The following ANKH variants were observed in gnomAD, a reference collection of about 807,000 sequenced individuals.
ANKH encodes ANKH inorganic pyrophosphate transport regulator.
Under a neutral mutation model 49.0 loss-of-function variants are expected in ANKH, and 15 were observed. That is an observed-to-expected ratio of 0.31 (90% CI 0.20 to 0.47). The LOEUF is 0.47. ANKH is among the 20% of genes least tolerant of loss of function. The pLI, the probability that ANKH is intolerant of heterozygous loss-of-function variation, is 1.00. For synonymous variants in ANKH, 273 were observed against 260.0 expected (o/e 1.05, Z -0.48); for missense variants, 429 against 652.0 (o/e 0.66, Z 3.72).
chr5:14,856,095 G>A (rs560477928), intron 1 of ANKH, among the ~76,000 whole-genome samples: 35 of 151,850 alleles, frequency 2.3e-4, no homozygotes, highest in Non-Finnish European at 5.0e-4. Context: ...GTGGGCAGGC[G>A]AATCGCTTGA....
intron 1 of ANKH, among the ~76,000 whole-genome samples, chr5:14,809,335 T>TAAAAAAAAAAAAA (rs36119317): frequency 4.6e-4 from 37 of 80,806 alleles, no homozygotes; most frequent in South Asian, 9.1e-4. Flanking sequence ...TAGAGTATAA[T>TAAAAAAAAAAAAA]AAAAAAAAAA....
chr5:14,721,885 A>C (rs576529802), intron 8 of ANKH, among the ~76,000 whole-genome samples: 7 of 128,834 alleles, frequency 5.4e-5, no homozygotes, highest in South Asian at 5.3e-4. Flanking sequence ...AGCTGAGATC[A>C]TGCCACTGCA....
intron 1 of ANKH, among the ~76,000 whole-genome samples, chr5:14,861,887 C>T (rs1735506382): frequency 6.6e-6 from 1 of 152,200 alleles, no homozygotes; most frequent in African/African-American, 2.4e-5. Flanking sequence ...ATATTGTCCC[C>T]AACCTTTGCC....
At chr5:14,794,942 T>C (rs1215557296) in intron 1 of ANKH, among the ~76,000 whole-genome samples, 6 of 152,266 alleles carry the variant, frequency 3.9e-5, no homozygotes, top group Admixed American at 3.9e-4. Context: ...TCCTTTGCTG[T>C]ACTGTGTATG....
intron 8 of ANKH, among the ~76,000 whole-genome samples, chr5:14,727,794 A>G (rs1051267883): frequency 5.9e-5 from 9 of 152,118 alleles, no homozygotes; most frequent in Non-Finnish European, 1.2e-4. Context: ...GATGGTGATG[A>G]CAAGCAGCAA....
At chr5:14,744,692 G>T (rs186644902) in intron 7 of ANKH, among the ~76,000 whole-genome samples, 15 of 152,388 alleles carry the variant, frequency 9.8e-5, no homozygotes, top group Admixed American at 5.9e-4. Context: ...CACACTTTCA[G>T]AGATGCCTGG....
Position 14,769,079 on chromosome 5 carries a change from T to C in ANKH, c.209A>G (p.Lys70Arg), listed in dbSNP as rs1190520796. Reference sequence around the variant, plus strand: ...GTTCACAAACACCAGGCCCACATTTTTGAAGTCACTCATGGGACCCGTGAA... The same window carrying C: ...GTTCACAAACACCAGGCCCACATTTCTGAAGTCACTCATGGGACCCGTGAA... ...KFFTGPMSDF[K>R]NVGLVFVNSK... The change falls in exon 2 of 12, where the codon AAA (lysine) becomes AGA (arginine). Residue 70 changes from lysine (K) to arginine (R), a missense_variant. Coordinates refer to ENST00000284268, the MANE Select transcript of ANKH (RefSeq NM_054027.6). 2 of 1,614,086 alleles carry C rather than the reference T, an allele frequency of 1.2e-6. No homozygotes were observed. The highest frequency in any genetic ancestry group is 1.7e-6 in the Non-Finnish European group (2 of 1,180,054).
chr5:14,850,183 C>T (rs1386937304), intron 1 of ANKH, among the ~76,000 whole-genome samples: 2 of 152,172 alleles, frequency 1.3e-5, no homozygotes, highest in Non-Finnish European at 2.9e-5. Flanking sequence ...AACCCTGCCC[C>T]CCACCACTCC....
chr5:14,836,640 C>A (rs1741662207), intron 1 of ANKH, among the ~76,000 whole-genome samples: 2 of 152,286 alleles, frequency 1.3e-5, no homozygotes, highest in South Asian at 4.1e-4. Flanking sequence ...AATGGAAGAA[C>A]ATTCCATGCT....
chr5:14,747,264 C>G (rs1460712730), intron 6 of ANKH, among the ~76,000 whole-genome samples: 1 of 152,154 alleles, frequency 6.6e-6, no homozygotes, highest in Non-Finnish European at 1.5e-5. Flanking sequence ...GTGCAGAAAG[C>G]TATCAATGTG....
intron 8 of ANKH, 177 bp downstream of exon 8, chr5:14,741,650 G>C: frequency 1.7e-6 from 1 of 605,474 alleles, no homozygotes; most frequent in Non-Finnish European, 3.0e-6. Flanking sequence ...CTAGACTCAA[G>C]GGCCTCCTTG....
intron 1 of ANKH, among the ~76,000 whole-genome samples, chr5:14,803,931 T>C (rs1740632992): frequency 6.6e-6 from 1 of 152,204 alleles, no homozygotes. Flanking sequence ...GTTTCACTCT[T>C]GTTGCCCAGG....
chr5:14,807,399 G>A (rs1190746927), intron 1 of ANKH, among the ~76,000 whole-genome samples: 1 of 152,132 alleles, frequency 6.6e-6, no homozygotes, highest in Non-Finnish European at 1.5e-5. Context: ...ATAGGCATGA[G>A]CCACGGCACC....
intron 1 of ANKH, among the ~76,000 whole-genome samples, chr5:14,835,938 C>T (rs886533599): frequency 2.6e-5 from 4 of 152,198 alleles, no homozygotes; most frequent in Non-Finnish European, 5.9e-5. Flanking sequence ...TTGGCTTCAT[C>T]CCTGGGATGC....
chr5:14,735,437 G>T (rs577332300), intron 8 of ANKH, among the ~76,000 whole-genome samples: 2 of 152,296 alleles, frequency 1.3e-5, no homozygotes, highest in South Asian at 4.1e-4. Context: ...TAGAAGTCTG[G>T]TTCATCAATC....
intron 1 of ANKH, among the ~76,000 whole-genome samples, chr5:14,772,016 A>G (rs1458628658): frequency 1.3e-5 from 2 of 152,124 alleles, no homozygotes; most frequent in African/African-American, 4.8e-5. Flanking sequence ...AGATGTATCC[A>G]GATTTCAGAG....
intron 1 of ANKH, among the ~76,000 whole-genome samples, chr5:14,867,487 T>G (rs1407062072): frequency 1.3e-5 from 2 of 152,224 alleles, no homozygotes; most frequent in African/African-American, 4.8e-5. Context: ...TGTAAAGTAT[T>G]TTATATACCT....
At position 14,751,173 on chromosome 5, in the gene ANKH, G is replaced by A. The variant is rs765385239; in HGVS notation, c.583C>T (p.Leu195Phe). 4.3e-6 allele frequency: 7 copies of A among 1,614,218 alleles called. No homozygotes were observed. In the Admixed American group the frequency reaches 5.0e-5, roughly 12 times the overall value. ...ECREPLLIPI[L>F]SLYMGALVRC... ...ACAAGTGCGCCCATGTACAAGGAGA[G>A]GATCGGGATGAGCAGGGGCTCCCGG... Residue 195 changes from leucine to phenylalanine, a missense_variant, in exon 5 of 12, where the codon CTC (leucine) becomes TTC (phenylalanine). This residue lies in a region of ANKH where 378 missense variants were observed against 615.3 expected (regional missense o/e 0.61). Transcript: ENST00000284268.
chr5:14,776,279 T>C (rs1739619135), intron 1 of ANKH, among the ~76,000 whole-genome samples: 1 of 152,172 alleles, frequency 6.6e-6, no homozygotes, highest in Admixed American at 6.5e-5. Flanking sequence ...GGCAGCCTCA[T>C]GTTGGATTTG....
Sources: gnomAD v4.1 joint callset for allele counts (sites outside exome capture counted in the v4.1 genomes callset) on GRCh38, gnomAD v4.1.1 for gene constraint, gnomAD v4.1.1 regional missense constraint, MANE v1.5 for transcripts, NCBI Gene and HGNC (gene_info 2026-07-23, HGNC 2026-07-21) for gene names.